The following ZNF99 variants were observed in gnomAD, a reference collection of about 807,000 sequenced individuals.
The protein encoded by ZNF99 is zinc finger protein 99.
ZNF99 carries 8 observed loss-of-function variants against 12.8 expected under a neutral mutation model. The ratio of observed to expected loss-of-function variants is 0.62; its 90% CI spans 0.37 to 1.13. The LOEUF (loss-of-function observed/expected upper bound fraction) is 1.13. ZNF99 is among the 50% of genes most tolerant of loss of function. The pLI is 0.02. For missense variants in ZNF99, 1,007 were observed against 1,006.2 expected (o/e 1.00, Z -0.01); for synonymous variants, 318 against 319.0 (o/e 1.00, Z 0.03).
rs879168153 is a variant in ZNF99, at chr19:22,758,941, T to C, written c.968A>G (p.Asn323Ser). 6.2e-7 allele frequency: 1 copy of C among 1,613,798 alleles called. No individual in the cohort carries two copies. Among genetic ancestry groups the C allele is most frequent in the Non-Finnish European group, 8.5e-7 (1 of 1,179,892 alleles). ...YKCEECGKAFNHFSALRKHQI... is the reference protein window; with the variant it reads ...YKCEECGKAFSHFSALRKHQI... ...ATGTTTTCTAAGGGCTGAGAAATGG[T>C]TAAAAGCTTTGCCACATTCTTCGCA... The change falls in exon 4 of 4, where the codon AAC becomes AGC. Residue 323 changes from asparagine (N) to serine (S), a missense_variant. Coordinates refer to ENST00000596209, the MANE Select transcript of ZNF99 (RefSeq NM_001080409.3).
intron 3 of ZNF99, among the ~76,000 whole-genome samples, chr19:22,767,352 AT>A (rs1392363535): frequency 1.3e-5 from 2 of 152,188 alleles, no homozygotes; most frequent in African/African-American, 4.8e-5. Context: ...GAAGCATACA[AT>A]ATGTTCTCTA....
Position 22,768,287 on chromosome 19 carries a change from G to C in ZNF99, c.226+18C>G, listed in dbSNP as rs1187708700. 6.2e-7 allele frequency: 1 copy of C among 1,612,792 alleles called. No individual in the cohort carries two copies. The highest frequency in any genetic ancestry group is 1.3e-5 in the African/African-American group (1 of 74,890). On this transcript the variant is annotated intron_variant, in intron 3 of 3. Transcript: ENST00000596209. ...GGACCTCTTATTTGTGTTGTTTCTT[G>C]TATTCACTCTCACATACCTGGGGGT... is the stretch of plus-strand genomic sequence containing the variant.
rs138327729 is a variant in ZNF99 at position 22,759,422 on chromosome 19, A to G, written c.487T>C (p.Tyr163His). ...TTCTTTTTAGTGTGTCTAATCTTAT[A>G]TCTATTTGAATTTGAATATTTATGA... ...VFHKYSNSNRYKIRHTKKKTF... is the reference protein window; with the variant it reads ...VFHKYSNSNRHKIRHTKKKTF... Residue 163 changes from tyrosine (Y) to histidine (H), a missense_variant, in exon 4 of 4, where the codon TAT (tyrosine) becomes CAT (histidine). Tyr to His is a moderately conservative substitution (Grantham distance 83). Coordinates refer to ENST00000596209, the MANE Select transcript of ZNF99 (RefSeq NM_001080409.3). The G allele has an allele frequency of 2.7e-5, 42 of 1,582,054 alleles. No individual in the cohort carries two copies. The African/African-American group carries it at 5.5e-4, about 21-fold the overall frequency.
At chr19:22,777,921 G>A (rs75636049) in intron 1 of ZNF99, among the ~76,000 whole-genome samples, 2 of 150,242 alleles carry the variant, frequency 1.3e-5, no homozygotes, top group African/African-American at 2.4e-5. Flanking sequence ...GGAAAAAGGC[G>A]GTCTGTTCGC....
At position 22,758,793 on chromosome 19, in the gene ZNF99, T is replaced by C; in HGVS notation, c.1116A>G (p.Glu372=). The change falls in exon 4 of 4, where the codon GAA becomes GAG. Residue 372 remains glutamate (E), a synonymous_variant. Transcript: ENST00000596209. The part of the protein sequence containing the change: ...IHTEEKPYKY[E]ECGKAFSNLS... ...AATTGCTAAAAGCTTTGCCGCATTCTTCATATTTGTAGGGTTTCTCTTCAG... is the reference window on the plus strand; with the variant it reads ...AATTGCTAAAAGCTTTGCCGCATTCCTCATATTTGTAGGGTTTCTCTTCAG... 6.2e-7 allele frequency: 1 copy of C among 1,604,210 alleles called. No homozygotes were observed. The highest frequency in any genetic ancestry group is 8.5e-7 in the Non-Finnish European group (1 of 1,173,708).
intron 3 of ZNF99, among the ~76,000 whole-genome samples, chr19:22,766,930 C>T (rs1377625488): frequency 6.6e-6 from 1 of 151,906 alleles, no homozygotes; most frequent in Non-Finnish European, 1.5e-5. Flanking sequence ...GAATTACAGG[C>T]GTGAGACACC....
At chr19:22,773,658 T>C (rs746622267) in intron 1 of ZNF99, among the ~76,000 whole-genome samples, 14 of 152,178 alleles carry the variant, frequency 9.2e-5, no homozygotes, top group African/African-American at 3.4e-4. Flanking sequence ...GGGTGCTATC[T>C]TTTTGGCTAT....
Position 22,757,189 on chromosome 19 carries a change from GC to G in ZNF99, c.*124del. 2 of 1,612,290 alleles carry G rather than the reference GC, an allele frequency of 1.2e-6. No individual in the cohort carries two copies. The highest frequency in any genetic ancestry group is 1.7e-6 in the Non-Finnish European group (2 of 1,179,242). On this transcript the variant is annotated 3_prime_UTR_variant, in exon 4 of 4. Transcript: ENST00000596209. ...GGTGTGAGGACTGCTTAAAAGCTTT[GC>G]CACATTCTTCACATTTGTATGGTTT...
At chr19:22,773,078 G>GTTTGTAGAATT (rs1973290323) in intron 1 of ZNF99, among the ~76,000 whole-genome samples, 1 of 152,174 alleles carries the variant, frequency 6.6e-6, no homozygotes, top group Non-Finnish European at 1.5e-5. Context: ...TTCTGATCTA[G>GTTTGTAGAATT]CCTCTCTAAA....
At chr19:22,761,668 C>T (rs1973152092) in intron 3 of ZNF99, among the ~76,000 whole-genome samples, 1 of 152,122 alleles carries the variant, frequency 6.6e-6, no homozygotes, top group Non-Finnish European at 1.5e-5. Context: ...AACATTCCAT[C>T]CAATAACTGC....
In ZNF99 at chr19:22,759,582, C is replaced by A. The variant is rs767972192; in HGVS notation, c.327G>T (p.Lys109Asn). ...ILRTYARCGH[K>N]NLRLRKDCES... Reference sequence around the variant, plus strand: ...CACAATCTTTTCTTAATCGTAAATTCTTATGTCCACATCTTGCATATGTTC... The same window carrying A: ...CACAATCTTTTCTTAATCGTAAATTATTATGTCCACATCTTGCATATGTTC... Residue 109 changes from lysine (K) to asparagine (N), a missense_variant, in exon 4 of 4, where the codon AAG becomes AAT. Lys to Asn is a moderately conservative substitution (Grantham distance 94, BLOSUM62 0). Transcript: ENST00000596209. 2 of 1,611,740 alleles carry A rather than the reference C, an allele frequency of 1.2e-6. No homozygotes were observed. Among genetic ancestry groups the A allele is most frequent in the Non-Finnish European group, 1.7e-6 (2 of 1,179,284 alleles).
At chr19:22,769,863 C>T (rs541692001) in intron 1 of ZNF99, 2 of 1,346,032 alleles carry the variant, frequency 1.5e-6, no homozygotes, top group South Asian at 1.2e-5. Flanking sequence ...CCAGCACAGA[C>T]AAGATACTTT....
At chr19:22,779,765 C>T (rs1875478730) in intron 1 of ZNF99, among the ~76,000 whole-genome samples, 1 of 152,130 alleles carries the variant, frequency 6.6e-6, no homozygotes, top group Non-Finnish European at 1.5e-5. Flanking sequence ...GCCATCCCCT[C>T]CGACCTCCTC....
intron 1 of ZNF99, among the ~76,000 whole-genome samples, chr19:22,783,801 T>C (rs1973417019): frequency 6.6e-6 from 1 of 152,002 alleles, no homozygotes; most frequent in Non-Finnish European, 1.5e-5. Flanking sequence ...CAGGGCATAG[T>C]CACAGTGCAG....
In ZNF99 at chr19:22,756,329, A is replaced by C. The variant is rs755130865; in HGVS notation, c.*985T>G. On this transcript the variant is annotated 3_prime_UTR_variant, in exon 4 of 4. Transcript: ENST00000596209. The stretch of plus-strand genomic sequence containing the variant: ...AGTATGAATTGTTTTATGTTGAGTA[A>C]GGTGTGAGGACTGGTTAAAGGCTTT... 1.1e-5 allele frequency: 18 copies of C among 1,579,496 alleles called. No homozygotes were observed. The highest frequency in any genetic ancestry group is 5.1e-5 in the Admixed American group (3 of 58,326).
Position 22,755,138 on chromosome 19 carries a change from C to A in ZNF99, c.*2176G>T. The stretch of plus-strand genomic sequence containing the variant: ...TATTCACATTTGTAGGGTTTCTCTC[C>A]CATTGAATTATGTTGTTTAGCAAGA... On this transcript the variant is annotated 3_prime_UTR_variant, in exon 4 of 4. Transcript: ENST00000596209. 1 of 211,706 alleles carries A rather than the reference C, an allele frequency of 4.7e-6. No individual in the cohort carries two copies. Among genetic ancestry groups the A allele is most frequent in the South Asian group, 7.4e-5 (1 of 13,532 alleles). 13.1% of individuals were successfully genotyped at this position (211,706 alleles called of 1,614,324 possible). A position where few individuals can be genotyped will look rare whatever the true frequency, so the allele number is the denominator to read the frequency against.
intron 1 of ZNF99, 141 bp from the exon 2 acceptor site, chr19:22,769,465 T>C: frequency 1.0e-6 from 1 of 977,314 alleles, no homozygotes; most frequent in Non-Finnish European, 1.4e-6. Context: ...GTAAAATAAT[T>C]TTCAACACAG....
chr19:22,772,082 A>C (rs911965429), intron 1 of ZNF99, among the ~76,000 whole-genome samples: 3 of 151,800 alleles, frequency 2.0e-5, no homozygotes, highest in African/African-American at 7.3e-5. Context: ...ATATAAGTTG[A>C]CCGTTTATTT....
chr19:22,754,196 G>A lies in ZNF99; in HGVS notation c.*3118C>T, dbSNP rs187603626. ...AGCCTGGTCAAAATGGTGAAACCCC[G>A]TCTCTACTAAAAATACAAAAATTAG... On this transcript the variant is annotated 3_prime_UTR_variant, in exon 4 of 4. Transcript: ENST00000596209. The A allele has an allele frequency of 3.8e-5, 17 of 442,966 alleles. No individual in the cohort carries two copies. The East Asian group carries it at 7.7e-4, about 20-fold the overall frequency. 27.4% of individuals were successfully genotyped at this position (442,966 alleles called of 1,614,324 possible).
Sources: gnomAD v4.1 joint callset for allele counts (sites outside exome capture counted in the v4.1 genomes callset) on GRCh38, gnomAD v4.1.1 for gene constraint, MANE v1.5 for transcripts, NCBI Gene and HGNC (gene_info 2026-07-23, HGNC 2026-07-21) for gene names.